CYTH3: variants seen among roughly 807,000 people sequenced by gnomAD.
The protein encoded by CYTH3 is cytohesin 3, also known as cytohesin-3.
A neutral mutation model predicts 55.1 loss-of-function variants in CYTH3; 23 were observed. The observed-to-expected ratio is 0.42, with a 90% CI of 0.30 to 0.59. The LOEUF (loss-of-function observed/expected upper bound fraction) is 0.59. Ranked by LOEUF, CYTH3 falls within the 20% of genes least tolerant of loss-of-function variation. The probability of loss-of-function intolerance (pLI) is 0.20; values close to 1 mark genes in which losing one functional copy is unlikely to be tolerated. For synonymous variants in CYTH3, 249 were observed against 194.9 expected (o/e 1.28, Z -2.31); for missense variants, 413 against 524.8 (o/e 0.79, Z 2.08).
intron 1 of CYTH3, among the ~76,000 whole-genome samples, chr7:6,192,660 T>G (rs1783828440): frequency 1.3e-5 from 2 of 150,320 alleles, no homozygotes. Flanking sequence ...GCCTCCCGAG[T>G]AGCTGGGATT....
chr7:6,234,289 G>A (rs1779462183), intron 1 of CYTH3, among the ~76,000 whole-genome samples: 1 of 152,156 alleles, frequency 6.6e-6, no homozygotes, highest in Non-Finnish European at 1.5e-5. Flanking sequence ...GATCAGTGAA[G>A]GAGGCACCCA....
At position 6,173,548 on chromosome 7, in the gene CYTH3, G is replaced by T. The variant is rs760552204; in HGVS notation, c.449+105C>A. On this transcript the variant is annotated intron_variant, in intron 6 of 12. Coordinates refer to ENST00000350796, the MANE Select transcript of CYTH3 (RefSeq NM_004227.4). The stretch of plus-strand genomic sequence containing the variant: ...AAAGGAGCCAGCATCTGTGAGACTC[G>T]TGTGGCACCAAGTTACCTGGAGTCA... 4 of 756,610 alleles carry T rather than the reference G, an allele frequency of 5.3e-6. No individual in the cohort carries two copies. In the Admixed American group the frequency reaches 5.6e-5, roughly 11 times the overall value. 46.9% of individuals were successfully genotyped at this position (756,610 alleles called of 1,614,324 possible).
chr7:6,169,236 T>C lies in CYTH3; in HGVS notation c.823+1299A>G, dbSNP rs1189519256. 1.3e-5 allele frequency among the ~76,000 whole-genome samples: 2 copies of C among 152,186 alleles called. No individual in the cohort carries two copies. The highest frequency in any genetic ancestry group is 2.9e-5 in the Non-Finnish European group (2 of 68,030). ...CTCACCCTTCCTTGATGTTTATTTT[T>C]TTGAGACGAGGTCTCACTCTGTCGC... On this transcript the variant is annotated intron_variant, in intron 9 of 12. Coordinates refer to ENST00000350796, the MANE Select transcript of CYTH3 (RefSeq NM_004227.4). This position sits in a 1 kb window ranked among gnomAD's most constrained non-coding sequence, Gnocchi z 4.1.
chr7:6,215,426 T>C (rs1158293353), intron 1 of CYTH3, among the ~76,000 whole-genome samples: 1 of 151,754 alleles, frequency 6.6e-6, no homozygotes, highest in East Asian at 1.9e-4. Flanking sequence ...CCATCTCTAC[T>C]AAAAATACAA....
intron 1 of CYTH3, among the ~76,000 whole-genome samples, chr7:6,239,117 G>T (rs1298754382): frequency 6.6e-6 from 1 of 152,184 alleles, no homozygotes; most frequent in Non-Finnish European, 1.5e-5. Context: ...AGGAGGCTGA[G>T]GTGGGAGGAT....
intron 1 of CYTH3, among the ~76,000 whole-genome samples, chr7:6,229,893 T>G (rs900545026): frequency 6.6e-6 from 1 of 151,288 alleles, no homozygotes; most frequent in Non-Finnish European, 1.5e-5. Flanking sequence ...CCCAACACTT[T>G]GGAAAGGTAA....
At chr7:6,272,386 A>G in intron 1 of CYTH3, 88 bp downstream of exon 1, 1 of 1,180,768 alleles carries the variant, frequency 8.5e-7, no homozygotes, top group South Asian at 2.7e-5. Context: ...CCTCCGGCGA[A>G]CCCCGGCCCA....
chr7:6,202,240 G>C (rs113234363), intron 1 of CYTH3, among the ~76,000 whole-genome samples: 1 of 152,158 alleles, frequency 6.6e-6, no homozygotes. Flanking sequence ...AATCCATTGT[G>C]TAAAGAAACC....
chr7:6,185,204 A>G (rs894881805), intron 4 of CYTH3, among the ~76,000 whole-genome samples: 1 of 152,260 alleles, frequency 6.6e-6, no homozygotes, highest in African/African-American at 2.4e-5. Flanking sequence ...AGAGAACCAG[A>G]AAGCAACAGG....
At chr7:6,215,111 G>A (rs922411386) in intron 1 of CYTH3, among the ~76,000 whole-genome samples, 6 of 152,134 alleles carry the variant, frequency 3.9e-5, no homozygotes, top group Non-Finnish European at 8.8e-5. Flanking sequence ...AAGAGTACTG[G>A]TTGGATTTTA....
intron 1 of CYTH3, among the ~76,000 whole-genome samples, chr7:6,248,579 G>A (rs751055664): frequency 6.6e-5 from 10 of 152,186 alleles, no homozygotes; most frequent in Non-Finnish European, 8.8e-5. Context: ...AGTTTTGAGC[G>A]TGTTGAAGCC....
At chr7:6,215,107 A>G (rs1427043672) in intron 1 of CYTH3, among the ~76,000 whole-genome samples, 1 of 152,188 alleles carries the variant, frequency 6.6e-6, no homozygotes, top group Non-Finnish European at 1.5e-5. Flanking sequence ...CTGAAAGAGT[A>G]CTGGTTGGAT....
At chr7:6,252,059 CAG>C (rs531626009) in intron 1 of CYTH3, among the ~76,000 whole-genome samples, 12 of 152,246 alleles carry the variant, frequency 7.9e-5, no homozygotes, top group Admixed American at 7.8e-4. Flanking sequence ...CCTGTTAAGA[CAG>C]AGCAGAAGAT....
chr7:6,184,186 G>A (rs1443595310), intron 4 of CYTH3, among the ~76,000 whole-genome samples: 9 of 148,104 alleles, frequency 6.1e-5, no homozygotes, highest in South Asian at 2.2e-4. Flanking sequence ...TCAGCCTCCC[G>A]AGTAGCTGGG....
At chr7:6,259,757 T>TTATATATATATATATATAA in intron 1 of CYTH3, among the ~76,000 whole-genome samples, 1 of 37,464 alleles carries the variant, frequency 2.7e-5, no homozygotes, top group East Asian at 1.2e-3. Context: ...TATATATATA[T>TTATATATATATATATATAA]TATATATATA....
At chr7:6,211,060 A>T (rs1389615038) in intron 1 of CYTH3, among the ~76,000 whole-genome samples, 1 of 152,220 alleles carries the variant, frequency 6.6e-6, no homozygotes, top group African/African-American at 2.4e-5. Context: ...TAAAACACAT[A>T]TGACTTCCCG....
At chr7:6,187,817 C>G in intron 2 of CYTH3, 96 bp from the exon 3 acceptor site, 1 of 955,768 alleles carries the variant, frequency 1.0e-6, no homozygotes, top group South Asian at 1.3e-5. Context: ...AGCTTCCCTG[C>G]GGTCTCACCG....
chr7:6,173,052 C>G, intron 6 of CYTH3: 2 of 1,074,164 alleles, frequency 1.9e-6, no homozygotes, highest in Non-Finnish European at 2.3e-6. Context: ...CCTGCCTCCT[C>G]TCCCCCGGAT....
intron 1 of CYTH3, among the ~76,000 whole-genome samples, chr7:6,190,889 C>A (rs1208221367): frequency 6.6e-6 from 1 of 151,620 alleles, no homozygotes; most frequent in East Asian, 1.9e-4. Flanking sequence ...CCAGCCTGGC[C>A]AACACGGTGA....
Sources: allele counts gnomAD v4.1 joint callset (sites outside exome capture counted in the v4.1 genomes callset), GRCh38; gene constraint gnomAD v4.1.1; non-coding constraint Gnocchi (gnomAD v3.1); transcripts MANE v1.5; gene names NCBI Gene and HGNC (gene_info 2026-07-23, HGNC 2026-07-21).